Variants in PCGF6 observed in about 807,000 individuals in gnomAD.
PCGF6 encodes the protein polycomb group ring finger 6.
A neutral mutation model predicts 45.5 loss-of-function variants in PCGF6; 24 were observed. The observed-to-expected ratio is 0.53, with a 90% CI of 0.38 to 0.74. The LOEUF (loss-of-function observed/expected upper bound fraction) is 0.74, where lower values mean the gene tolerates loss of function less well. PCGF6 is among the 30% of genes least tolerant of loss of function. The pLI is 0.00. For synonymous variants in PCGF6, 152 were observed against 162.1 expected, an observed-to-expected ratio of 0.94 and a Z score of 0.47; for missense variants, 356 against 443.2, an observed-to-expected ratio of 0.80 and a Z score of 1.77.
intron 7 of PCGF6, among the ~76,000 whole-genome samples, chr10:103,329,809 C>T (rs975414837): frequency 3.4e-5 from 5 of 145,024 alleles, no homozygotes; most frequent in Non-Finnish European, 4.5e-5. Context: ...GAGACAGTCT[C>T]GCTCTGTCGC....
At chr10:103,339,431 C>A (rs561979290) in intron 6 of PCGF6, among the ~76,000 whole-genome samples, 3 of 151,906 alleles carry the variant, frequency 2.0e-5, no homozygotes, top group East Asian at 3.9e-4. Context: ...AGGAGGTACA[C>A]TGAATACCCA....
intron 6 of PCGF6, among the ~76,000 whole-genome samples, chr10:103,340,125 C>T (rs2093274824): frequency 2.1e-5 from 3 of 139,602 alleles, no homozygotes; most frequent in South Asian, 2.2e-4. Flanking sequence ...TGCAGTGAGC[C>T]GAGATTGTGC....
intron 1 of PCGF6, among the ~76,000 whole-genome samples, chr10:103,349,878 C>G (rs962164401): frequency 6.6e-5 from 10 of 150,714 alleles, no homozygotes; most frequent in Admixed American, 6.6e-4. Flanking sequence ...GTCAGGAGAT[C>G]GAGACCATCC....
chr10:103,350,082 CAAAAA>C (rs1564737207), intron 1 of PCGF6, among the ~76,000 whole-genome samples: 1 of 137,382 alleles, frequency 7.3e-6, no homozygotes, highest in Non-Finnish European at 1.6e-5. Flanking sequence ...GACTCCGTCT[CAAAAA>C]CAAAACAAAA....
intron 6 of PCGF6, among the ~76,000 whole-genome samples, chr10:103,339,778 CA>C (rs2093271575): frequency 7.6e-6 from 1 of 132,408 alleles, no homozygotes; most frequent in African/African-American, 2.9e-5. Flanking sequence ...GCCTGGGGAA[CA>C]AAAGCGAAAT....
intron 9 of PCGF6, among the ~76,000 whole-genome samples, chr10:103,308,852 CAGAG>C (rs374799115): frequency 4.0e-4 from 61 of 151,434 alleles, no homozygotes; most frequent in Admixed American, 3.5e-3. Context: ...ACCTGAGTGA[CAGAG>C]AGAGAGAGAC....
chr10:103,340,234 AC>A (rs2093276114), intron 6 of PCGF6, among the ~76,000 whole-genome samples: 1 of 145,914 alleles, frequency 6.9e-6, no homozygotes, highest in Non-Finnish European at 1.5e-5. Context: ...TTATATACAT[AC>A]CTTATGAATA....
Position 103,320,262 on chromosome 10 carries a change from A to G in PCGF6, c.910-5990T>C, listed in dbSNP as rs142048246. 8.0e-4 allele frequency among the ~76,000 whole-genome samples: 122 copies of G among 152,316 alleles called. No homozygotes were observed. In the East Asian group the frequency reaches 0.019, roughly 24 times the overall value. ...CTGAATATCAAACAAAGCAAAATAC[A>G]ATAAGACATCAAAGAGTAAATACCA... On this transcript the variant is annotated intron_variant, in intron 8 of 9. Transcript: ENST00000369847.
At chr10:103,334,559 T>G (rs970223187) in intron 6 of PCGF6, among the ~76,000 whole-genome samples, 1 of 152,198 alleles carries the variant, frequency 6.6e-6, no homozygotes, top group Non-Finnish European at 1.5e-5. Flanking sequence ...TTAATCATAA[T>G]CAATGTGATT....
chr10:103,311,419 G>C (rs1417948753), intron 9 of PCGF6, among the ~76,000 whole-genome samples: 1 of 151,692 alleles, frequency 6.6e-6, no homozygotes, highest in Non-Finnish European at 1.5e-5. Context: ...TGGGATTACA[G>C]GTGTGAGCCA....
Position 103,351,067 on chromosome 10 carries a change from G to A in PCGF6, c.-1C>T, listed in dbSNP as rs760902287. ...CCGTCACCACCGCGACCCCCTCCAT[G>A]GTCGGGAGAGACACCAGGCGAGGCG... On this transcript the variant is annotated 5_prime_UTR_variant, in exon 1 of 10. Transcript: ENST00000369847. The A allele has an allele frequency of 1.4e-6, 2 of 1,383,116 alleles. No individual in the cohort carries two copies. The highest frequency in any genetic ancestry group is 1.8e-5 in the South Asian group (1 of 54,826). The allele number at this position is 1,383,116 out of a possible 1,614,324, so 85.7% of individuals were successfully genotyped here. A position where few individuals can be genotyped will look rare whatever the true frequency, so the allele number is the denominator to read the frequency against.
chr10:103,317,071 C>T (rs1029645882), intron 8 of PCGF6, among the ~76,000 whole-genome samples: 4 of 152,064 alleles, frequency 2.6e-5, no homozygotes, highest in African/African-American at 4.8e-5. Flanking sequence ...AGTGCAGTGG[C>T]GCAATCTCAG....
intron 7 of PCGF6, among the ~76,000 whole-genome samples, chr10:103,332,877 G>A (rs1206495135): frequency 1.3e-5 from 2 of 152,104 alleles, no homozygotes; most frequent in African/African-American, 4.8e-5. Flanking sequence ...CACTTTGGGA[G>A]GCCCAGGTGG....
intron 6 of PCGF6, among the ~76,000 whole-genome samples, chr10:103,340,197 AAATATAT>A (rs1211977842): frequency 4.2e-5 from 4 of 94,806 alleles, no homozygotes; most frequent in Non-Finnish European, 6.4e-5. Flanking sequence ...AAAAAAAAAA[AAATATAT>A]ATATATATAT....
At chr10:103,350,338 C>T (rs2093316508) in intron 1 of PCGF6, among the ~76,000 whole-genome samples, 1 of 151,684 alleles carries the variant, frequency 6.6e-6, no homozygotes, top group African/African-American at 2.4e-5. Context: ...ACTCCGGAGG[C>T]TGAGGCGGGA....
intron 1 of PCGF6, 89 bp from the exon 2 acceptor site, chr10:103,349,088 G>T: frequency 5.3e-6 from 6 of 1,129,940 alleles, no homozygotes; most frequent in Non-Finnish European, 7.6e-6. Flanking sequence ...TCACTCTGTA[G>T]CCCAAGCTGA....
intron 9 of PCGF6, among the ~76,000 whole-genome samples, chr10:103,313,722 A>C (rs1451403217): frequency 6.6e-6 from 1 of 152,256 alleles, no homozygotes; most frequent in Non-Finnish European, 1.5e-5. Context: ...CAGGTTGGAC[A>C]AACTTGGCTC....
intron 7 of PCGF6, among the ~76,000 whole-genome samples, chr10:103,330,935 G>GA (rs1234548287): frequency 9.9e-5 from 15 of 151,860 alleles, no homozygotes; most frequent in Non-Finnish European, 1.3e-4. Flanking sequence ...TCTCCAACAA[G>GA]AAAAAAAGAA....
intron 6 of PCGF6, among the ~76,000 whole-genome samples, chr10:103,338,489 G>C (rs1429730674): frequency 6.7e-6 from 1 of 150,052 alleles, no homozygotes; most frequent in South Asian, 2.1e-4. Flanking sequence ...AGCTTGCAGT[G>C]AGCTGAGATC....
Sources: allele counts gnomAD v4.1 joint callset (sites outside exome capture counted in the v4.1 genomes callset), GRCh38; gene constraint gnomAD v4.1.1; transcripts MANE v1.5; gene names NCBI Gene and HGNC (gene_info 2026-07-23, HGNC 2026-07-21).